Variants in ZCCHC10 observed in about 807,000 individuals in gnomAD.
ZCCHC10 encodes zinc finger CCHC-type containing 10.
ZCCHC10 carries 16 observed loss-of-function variants against 19.5 expected under a neutral mutation model. That is an observed-to-expected ratio of 0.82 (90% confidence interval 0.56 to 1.25). The LOEUF (loss-of-function observed/expected upper bound fraction) is 1.25. Among genes scored for constraint, ZCCHC10 ranks in the 50% most tolerant of loss-of-function variants. The pLI, the probability that ZCCHC10 is intolerant of heterozygous loss-of-function variation, is 0.00. For missense variants in ZCCHC10, 197 were observed against 201.0 expected (o/e 0.98, Z 0.12); for synonymous variants, 67 against 72.5 (o/e 0.92, Z 0.38).
At position 132,998,293 on chromosome 5, in the gene ZCCHC10, A is replaced by G. The variant is rs1372395124; in HGVS notation, c.*290T>C. 6.8e-6 allele frequency: 2 copies of G among 292,420 alleles called. No individual in the cohort carries two copies. The highest frequency in any genetic ancestry group is 4.4e-5 in the African/African-American group (2 of 45,888). The allele number at this position is 292,420 out of a possible 1,614,324, so 18.1% of individuals were successfully genotyped here. A position where few individuals can be genotyped will look rare whatever the true frequency, so the allele number is the denominator to read the frequency against. ...TATAACAAAGTATGGCATTTATTTC[A>G]CAGAGAGAAAAGATAGTTTCATCAC... On this transcript the variant is annotated 3_prime_UTR_variant, in exon 5 of 5. Transcript: ENST00000509437.
At chr5:133,008,097 T>A (rs980240133) in intron 2 of ZCCHC10, among the ~76,000 whole-genome samples, 2 of 148,246 alleles carry the variant, frequency 1.3e-5, no homozygotes, top group African/African-American at 5.0e-5. Context: ...TGGTGGTGGG[T>A]GCCTGTAGTC....
intron 1 of ZCCHC10, among the ~76,000 whole-genome samples, chr5:133,024,815 A>C (rs1471807723): frequency 6.6e-6 from 1 of 152,058 alleles, no homozygotes; most frequent in Non-Finnish European, 1.5e-5. Flanking sequence ...AGGCAGGAGA[A>C]TCATTTGAAC....
rs1369204135 is a variant in ZCCHC10 at position 133,006,869 on chromosome 5, A to C, written c.159T>G (p.His53Gln). ...TTTTTCCTGTGCATTCATAAGTCCA[A>C]TGTCCAAATTCCAAGCATTTCTGAC... ...VRCQKCLEFG[H>Q]WTYECTGKRK... The change falls in exon 3 of 5, where the codon CAT becomes CAG. Residue 53 changes from histidine to glutamine, a missense_variant. His to Gln is a conservative substitution (Grantham distance 24). Coordinates refer to ENST00000509437, the MANE Select transcript of ZCCHC10 (RefSeq NM_001300816.3). 6.2e-7 allele frequency: 1 copy of C among 1,612,842 alleles called. No homozygotes were observed. Among genetic ancestry groups the C allele is most frequent in the African/African-American group, 1.3e-5 (1 of 74,854 alleles).
At chr5:133,002,387 T>C (rs1378337295) in intron 3 of ZCCHC10, among the ~76,000 whole-genome samples, 5 of 152,172 alleles carry the variant, frequency 3.3e-5, no homozygotes, top group African/African-American at 1.2e-4. Context: ...TATTTATTTT[T>C]TGTAGAGGTG....
Position 132,997,625 on chromosome 5 carries a change from C to A in ZCCHC10, c.*958G>T, listed in dbSNP as rs941169166. The A allele has an allele frequency of 3.9e-5, 6 of 152,036 alleles. No homozygotes were observed. The highest frequency in any genetic ancestry group is 8.8e-5 in the Non-Finnish European group (6 of 67,994). 9.4% of individuals were successfully genotyped at this position (152,036 alleles called of 1,614,324 possible). A position where few individuals can be genotyped will look rare whatever the true frequency, so the allele number is the denominator to read the frequency against. ...CTGTCATATATGACCAGTTACCATA[C>A]AAACTATAATACCATATTTTCAAAA... On this transcript the variant is annotated 3_prime_UTR_variant, in exon 5 of 5. Coordinates refer to ENST00000509437, the MANE Select transcript of ZCCHC10 (RefSeq NM_001300816.3).
chr5:133,006,174 G>A (rs1763109605), intron 3 of ZCCHC10, among the ~76,000 whole-genome samples: 1 of 147,144 alleles, frequency 6.8e-6, no homozygotes, highest in Non-Finnish European at 1.5e-5. Flanking sequence ...TAGTAGGGAT[G>A]GAATTTCACC....
chr5:133,021,375 C>T (rs1764301660), intron 2 of ZCCHC10, among the ~76,000 whole-genome samples: 1 of 152,090 alleles, frequency 6.6e-6, no homozygotes, highest in African/African-American at 2.4e-5. Flanking sequence ...TACTTAGGGA[C>T]AAATCTGACA....
chr5:133,015,897 T>C (rs1313273053), intron 2 of ZCCHC10, among the ~76,000 whole-genome samples: 2 of 152,260 alleles, frequency 1.3e-5, no homozygotes, highest in East Asian at 3.8e-4. Flanking sequence ...ATAAATATCC[T>C]ACTCCTCATT....
intron 2 of ZCCHC10, chr5:133,019,200 G>A: frequency 5.9e-6 from 2 of 340,858 alleles, no homozygotes; most frequent in South Asian, 2.1e-5. Context: ...GGGCAACACT[G>A]TCTCTAAAAA....
At chr5:133,023,769 C>G (rs751912842) in intron 1 of ZCCHC10, among the ~76,000 whole-genome samples, 2 of 128,072 alleles carry the variant, frequency 1.6e-5, no homozygotes, top group Non-Finnish European at 1.6e-5. Context: ...AAAACTCCAT[C>G]TCAAAAAAAA....
chr5:133,013,366 C>T (rs1181496419), intron 2 of ZCCHC10, among the ~76,000 whole-genome samples: 1 of 151,704 alleles, frequency 6.6e-6, no homozygotes, highest in Admixed American at 6.6e-5. Context: ...CAACAAAACA[C>T]CACTACACAA....
At chr5:133,002,869 G>A (rs1230875878) in intron 3 of ZCCHC10, among the ~76,000 whole-genome samples, 3 of 151,928 alleles carry the variant, frequency 2.0e-5, no homozygotes, top group Non-Finnish European at 2.9e-5. Context: ...ACAGGTGCCC[G>A]CCACCATGCC....
At chr5:133,004,178 CTTT>C (rs111850766) in intron 3 of ZCCHC10, among the ~76,000 whole-genome samples, 1 of 142,916 alleles carries the variant, frequency 7.0e-6, no homozygotes, top group African/African-American at 2.5e-5. Flanking sequence ...TTTTTAATTT[CTTT>C]TTTTTTTTTT....
chr5:133,010,049 A>AT (rs770318980), intron 2 of ZCCHC10, among the ~76,000 whole-genome samples: 1,467 of 138,452 alleles, frequency 0.011, 67 homozygotes, highest in Admixed American at 0.076. Context: ...TGGGTCAGCA[A>AT]TTTTTTTTTT....
chr5:133,001,970 T>TC (rs1234710521), intron 3 of ZCCHC10, among the ~76,000 whole-genome samples: 10 of 138,606 alleles, frequency 7.2e-5, no homozygotes, highest in Non-Finnish European at 1.3e-4. Flanking sequence ...TTTTTTTTTT[T>TC]TTTTTTTTTT....
chr5:133,016,234 T>C (rs926275391), intron 2 of ZCCHC10, among the ~76,000 whole-genome samples: 3 of 131,510 alleles, frequency 2.3e-5, no homozygotes, highest in Admixed American at 7.1e-5. Context: ...TACTGGGACA[T>C]TGCGCTCCAG....
At chr5:133,019,339 GACAA>G (rs1764140654) in intron 2 of ZCCHC10, 1 of 219,472 alleles carries the variant, frequency 4.6e-6, no homozygotes, top group African/African-American at 2.4e-5. Flanking sequence ...TGCTGAGTTA[GACAA>G]ACAAAATTTC....
chr5:133,005,404 G>C lies in ZCCHC10; in HGVS notation c.269+1355C>G, dbSNP rs143312673. On this transcript the variant is annotated intron_variant, in intron 3 of 4. Coordinates refer to ENST00000509437, the MANE Select transcript of ZCCHC10 (RefSeq NM_001300816.3). The stretch of plus-strand genomic sequence containing the variant: ...GAGGTGGGTGGATTGCTAGAGCTCA[G>C]GAGTTTGAGACCACCCTGGGCAACA... Among the ~76,000 whole-genome samples the C allele has an allele frequency of 2.6e-5, 4 of 152,306 alleles. No homozygotes were observed. The East Asian group carries it at 5.8e-4, about 22-fold the overall frequency.
At chr5:133,024,244 T>G (rs1764521305) in intron 1 of ZCCHC10, among the ~76,000 whole-genome samples, 2 of 152,238 alleles carry the variant, frequency 1.3e-5, no homozygotes, top group African/African-American at 4.8e-5. Flanking sequence ...TTGCCAATCC[T>G]GCATTCATTT....
Sources: allele counts gnomAD v4.1 joint callset (sites outside exome capture counted in the v4.1 genomes callset), GRCh38; gene constraint gnomAD v4.1.1; transcripts MANE v1.5; gene names NCBI Gene and HGNC (gene_info 2026-07-23, HGNC 2026-07-21).